The following GLIS3 variants were observed in gnomAD, a reference collection of about 807,000 sequenced individuals.
The protein encoded by GLIS3 is zinc finger protein GLIS3.
In GLIS3, 53 loss-of-function variants were observed where a neutral mutation model predicts 78.6. The observed-to-expected ratio is 0.67, with a 90% CI of 0.54 to 0.85. GLIS3 has a LOEUF of 0.85. GLIS3 is among the 40% of genes least tolerant of loss of function. The pLI, the probability that GLIS3 is intolerant of heterozygous loss-of-function variation, is 0.00. For synonymous variants in GLIS3, 684 were observed against 509.9 expected (o/e 1.34, Z -4.60); for missense variants, 1,703 against 1,231.1 (o/e 1.38, Z -5.74).
chr9:4,115,779 CT>C (rs2130865140), intron 4 of GLIS3, among the ~76,000 whole-genome samples: 1 of 152,212 alleles, frequency 6.6e-6, no homozygotes, highest in South Asian at 2.1e-4. Context: ...CTAAGAAACC[CT>C]GTTTATTATG....
chr9:4,314,242 G>A lies in GLIS3; in HGVS notation n.265-3714C>T, dbSNP rs572538096. Among the ~76,000 whole-genome samples, 14 of 152,330 alleles carry A rather than the reference G, an allele frequency of 9.2e-5. No individual in the cohort carries two copies. In the South Asian group the frequency reaches 2.9e-3, roughly 32 times the overall value. ...TGTAAGCACTCAAATGTGAGCTGGT[G>A]TTGTTTTTTATTAATGGCAGGATCA... is the stretch of plus-strand genomic sequence containing the variant. On this transcript the variant is annotated intron_variant and non_coding_transcript_variant, in intron 2 of 4. Transcript: ENST00000471664.
At chr9:4,138,401 C>T (rs1833566480) in intron 2 of GLIS3, among the ~76,000 whole-genome samples, 1 of 152,086 alleles carries the variant, frequency 6.6e-6, no homozygotes, top group Non-Finnish European at 1.5e-5. Context: ...TTGGCAAACA[C>T]CTAATCTTAA....
At chr9:4,407,590 T>G in the GLIS3 span, among the ~76,000 whole-genome samples, 1 of 152,114 alleles carries the variant, frequency 6.6e-6, no homozygotes, top group African/African-American at 2.4e-5. Flanking sequence ...GAGCTTGCGG[T>G]GAGCCGAGAT....
chr9:4,317,251 C>T (rs542951323), intron 2 of GLIS3, among the ~76,000 whole-genome samples: 21 of 152,270 alleles, frequency 1.4e-4, no homozygotes, highest in African/African-American at 4.3e-4. Context: ...AGCCTGTGAC[C>T]CAAGCTGCCA....
At chr9:4,161,103 A>G (rs1835441679) in intron 2 of GLIS3, among the ~76,000 whole-genome samples, 1 of 151,274 alleles carries the variant, frequency 6.6e-6, no homozygotes, top group Non-Finnish European at 1.5e-5. Flanking sequence ...AAAGAAAGAA[A>G]GAAAGAAAAG....
the GLIS3 span, among the ~76,000 whole-genome samples, chr9:4,456,742 G>A: frequency 6.6e-6 from 1 of 152,132 alleles, no homozygotes; most frequent in South Asian, 2.1e-4. Flanking sequence ...CTTCAATACT[G>A]TTGTGTTTCA....
chr9:4,072,741 GT>G lies in GLIS3; in HGVS notation c.1710+45026del, dbSNP rs35804084. On this transcript the variant is annotated intron_variant, in intron 4 of 10. Coordinates refer to ENST00000381971, the MANE Select transcript of GLIS3 (RefSeq NM_001042413.2). The stretch of plus-strand genomic sequence containing the variant: ...GGGTATTGGCTTTCTAAAGAGAACT[GT>G]TTTTTTTTGTTGTTGTTGTTATATC... 8.0e-4 allele frequency among the ~76,000 whole-genome samples: 119 copies of G among 149,568 alleles called. 2 individuals are homozygous for G. The South Asian group carries it at 0.016, about 20-fold the overall frequency.
At chr9:3,921,347 A>C (rs1824874776) in intron 6 of GLIS3, among the ~76,000 whole-genome samples, 1 of 152,212 alleles carries the variant, frequency 6.6e-6, no homozygotes. Flanking sequence ...TGAATCACAC[A>C]ATCGCCCTGT....
the GLIS3 span, among the ~76,000 whole-genome samples, chr9:4,437,995 G>A: frequency 2.0e-5 from 3 of 152,132 alleles, no homozygotes; most frequent in Non-Finnish European, 2.9e-5. Flanking sequence ...TAAGTTCTCA[G>A]GGAGTCAAAA....
intron 2 of GLIS3, among the ~76,000 whole-genome samples, chr9:4,180,409 C>T (rs980800257): frequency 6.6e-6 from 1 of 152,178 alleles, no homozygotes; most frequent in African/African-American, 2.4e-5. Context: ...CAGGCTTGGG[C>T]TGTTTAGCTG....
At chr9:4,410,713 A>C in the GLIS3 span, among the ~76,000 whole-genome samples, 1 of 152,188 alleles carries the variant, frequency 6.6e-6, no homozygotes, top group Non-Finnish European at 1.5e-5. Context: ...AAGGATACTC[A>C]ACTTTGCATT....
At chr9:4,356,583 A>C in the GLIS3 span, among the ~76,000 whole-genome samples, 1 of 152,246 alleles carries the variant, frequency 6.6e-6, no homozygotes, top group Non-Finnish European at 1.5e-5. Flanking sequence ...GGTAGGGTCA[A>C]GCTGTCTCTA....
intron 4 of GLIS3, among the ~76,000 whole-genome samples, chr9:4,053,325 TC>T (rs1281739808): frequency 6.6e-6 from 1 of 152,106 alleles, no homozygotes; most frequent in Non-Finnish European, 1.5e-5. Context: ...CTCCTTATCA[TC>T]CAGGCCCAGC....
chr9:4,446,894 C>G, the GLIS3 span, among the ~76,000 whole-genome samples: 1 of 152,024 alleles, frequency 6.6e-6, no homozygotes, highest in South Asian at 2.1e-4. Context: ...CTCTCCTTGA[C>G]TGTACTTAGG....
At chr9:4,322,084 T>C (rs112007794) in intron 2 of GLIS3, among the ~76,000 whole-genome samples, 32 of 152,116 alleles carry the variant, frequency 2.1e-4, no homozygotes, top group African/African-American at 7.0e-4. Flanking sequence ...TGTGTCCAAG[T>C]GTTCTCATTG....
chr9:4,314,362 T>C (rs1367018956), intron 2 of GLIS3, among the ~76,000 whole-genome samples: 1 of 152,146 alleles, frequency 6.6e-6, no homozygotes, highest in African/African-American at 2.4e-5. Flanking sequence ...CCCAATGCTC[T>C]CTGTTTCCTC....
At chr9:4,453,158 C>A in the GLIS3 span, among the ~76,000 whole-genome samples, 236 of 152,000 alleles carry the variant, frequency 1.6e-3, no homozygotes, top group Admixed American at 4.2e-3. Flanking sequence ...TACAAAAATT[C>A]ATTCAAGATG....
intron 2 of GLIS3, among the ~76,000 whole-genome samples, chr9:4,153,506 G>A (rs2131049659): frequency 6.6e-6 from 1 of 152,318 alleles, no homozygotes; most frequent in Non-Finnish European, 1.5e-5. Flanking sequence ...AGAGGTTGCA[G>A]TGAGCTGAGA....
intron 4 of GLIS3, among the ~76,000 whole-genome samples, chr9:3,951,418 T>G (rs1383885590): frequency 6.7e-6 from 1 of 148,926 alleles, no homozygotes; most frequent in African/African-American, 2.5e-5. Context: ...AAGCAAGGCA[T>G]CCATGAGCTA....
Sources: gnomAD v4.1 joint callset for allele counts (sites outside exome capture counted in the v4.1 genomes callset) on GRCh38, gnomAD v4.1.1 for gene constraint, MANE v1.5 for transcripts, NCBI Gene and HGNC (gene_info 2026-07-23, HGNC 2026-07-21) for gene names.